The following ANAPC1 variants were observed in gnomAD, a reference collection of about 807,000 sequenced individuals.
ANAPC1 encodes the protein anaphase promoting complex subunit 1.
A neutral mutation model predicts 208.0 loss-of-function variants in ANAPC1; 36 were observed. The observed-to-expected ratio is 0.17, with a 90% CI of 0.13 to 0.23. ANAPC1 has a LOEUF of 0.23. ANAPC1 is among the 10% of genes least tolerant of loss of function. The pLI, the probability that ANAPC1 is intolerant of heterozygous loss-of-function variation, is 1.00. For missense variants in ANAPC1, 942 were observed against 2,011.6 expected (o/e 0.47, Z 10.17); for synonymous variants, 378 against 695.2 (o/e 0.54, Z 7.18).
In ANAPC1 at chr2:111,847,844, G is replaced by A; in HGVS notation, c.1672C>T (p.Pro558Ser). The A allele has an allele frequency of 1.3e-6, 2 of 1,589,590 alleles. No homozygotes were observed. The highest frequency in any genetic ancestry group is 1.7e-6 in the Non-Finnish European group (2 of 1,171,208). Residue 558 changes from proline (P) to serine (S), a missense_variant, in exon 15 of 48, where the codon CCA becomes TCA. Pro to Ser is a moderately conservative substitution (Grantham distance 74). Coordinates refer to ENST00000341068, the MANE Select transcript of ANAPC1 (RefSeq NM_022662.4). ...LDEVVLLSPV[P>S]ELRDSSKLHD... The stretch of plus-strand genomic sequence containing the variant: ...AGTTTTGAAGAATCCCTCAGTTCTG[G>A]AACTGGGGACAACAGAACAACCTGT...
chr2:111,861,407 C>T (rs1682056305), intron 10 of ANAPC1, among the ~76,000 whole-genome samples: 1 of 152,224 alleles, frequency 6.6e-6, no homozygotes, highest in Non-Finnish European at 1.5e-5. Context: ...TCCCTCCCCT[C>T]TGCAAAAACC....
intron 47 of ANAPC1, among the ~76,000 whole-genome samples, chr2:111,771,628 G>A (rs1676744532): frequency 6.6e-6 from 1 of 150,888 alleles, no homozygotes; most frequent in African/African-American, 2.4e-5. Flanking sequence ...GAGGGCAAGT[G>A]AGTCCAATAC....
intron 3 of ANAPC1, among the ~76,000 whole-genome samples, chr2:111,876,033 A>C (rs1487568790): frequency 6.6e-6 from 1 of 152,106 alleles, no homozygotes; most frequent in African/African-American, 2.4e-5. Flanking sequence ...TGAGTCCTTC[A>C]ATGGCAGAAA....
chr2:111,831,345 C>T lies in ANAPC1; in HGVS notation c.2566G>A (p.Gly856Arg), dbSNP rs145838393. ...GGGAGGTAAGGATAAGGTGGCATTC[C>T]TTCACCCTTCAGACAAGAACTCACC... Reference protein sequence around the residue: ...QWVSSCLKGEGMPPYPYLPGI... With the variant: ...QWVSSCLKGERMPPYPYLPGI... The change falls in exon 21 of 48, where the codon GGA (glycine) becomes AGA (arginine). Residue 856 changes from glycine (G) to arginine (R), a missense_variant. Physicochemically the swap from Gly to Arg is moderately radical, Grantham distance 125. Coordinates refer to ENST00000341068, the MANE Select transcript of ANAPC1 (RefSeq NM_022662.4). The T allele has an allele frequency of 4.2e-3, 6,820 of 1,611,924 alleles. 17 individuals are homozygous for T. Among genetic ancestry groups the T allele is most frequent in the Non-Finnish European group, 5.1e-3 (6,037 of 1,179,830 alleles).
intron 7 of ANAPC1, among the ~76,000 whole-genome samples, chr2:111,865,546 A>G (rs1682356680): frequency 1.3e-5 from 2 of 152,258 alleles, no homozygotes; most frequent in Non-Finnish European, 2.9e-5. Context: ...ATATGATTCT[A>G]TAATCATAAG....
At chr2:111,871,585 T>C (rs1449180043) in intron 6 of ANAPC1, among the ~76,000 whole-genome samples, 3 of 152,156 alleles carry the variant, frequency 2.0e-5, no homozygotes, top group African/African-American at 7.2e-5. Flanking sequence ...ACCCCATCTC[T>C]ACTAAAAATA....
chr2:111,777,907 TAAAGAGCTGTTTAA>T lies in ANAPC1; in HGVS notation c.5385+754_5385+767del, dbSNP rs1183455304. Among the ~76,000 whole-genome samples the T allele has an allele frequency of 2.0e-5, 3 of 152,376 alleles. No homozygotes were observed. In the East Asian group the frequency reaches 5.8e-4, roughly 29 times the overall value. ...CAGCTGTGAACTTACTATATTCACT[TAAAGAGCTGTTTAA>T]AACTAGATTCTGGATCTCACCCCAG... On this transcript the variant is annotated intron_variant, in intron 45 of 47. Transcript: ENST00000341068.
chr2:111,821,728 G>T (rs1164428640), intron 25 of ANAPC1: 1 of 412,654 alleles, frequency 2.4e-6, no homozygotes, highest in Non-Finnish European at 4.5e-6. Flanking sequence ...GAGGCCAGGG[G>T]TTCCAGACCA....
Position 111,825,767 on chromosome 2 carries a change from A to C in ANAPC1, c.2704+10T>G, listed in dbSNP as rs544621701. On this transcript the variant is annotated intron_variant, in intron 22 of 47. Coordinates refer to ENST00000341068, the MANE Select transcript of ANAPC1 (RefSeq NM_022662.4). The stretch of plus-strand genomic sequence containing the variant: ...AATTTGTTTCCAGAGGCAACATTGC[A>C]CCAACTTACCTATAGTTATTCTGGT... 2.5e-6 allele frequency: 4 copies of C among 1,607,446 alleles called. No individual in the cohort carries two copies. Among genetic ancestry groups the C allele is most frequent in the African/African-American group, 2.7e-5 (2 of 74,800 alleles).
At chr2:111,850,997 T>C in intron 13 of ANAPC1, 87 bp from the exon 14 acceptor site, 2 of 1,433,796 alleles carry the variant, frequency 1.4e-6, no homozygotes, top group South Asian at 1.5e-5. Context: ...TATAAACATA[T>C]ATTTCTTTTG....
In ANAPC1 at chr2:111,825,267, C is replaced by T. The variant is rs190067229; in HGVS notation, c.2705-100G>A. On this transcript the variant is annotated intron_variant, in intron 22 of 47. Coordinates refer to ENST00000341068, the MANE Select transcript of ANAPC1 (RefSeq NM_022662.4). Reference sequence around the variant, plus strand: ...TTGAAAATAAGAATCAATTAGCAAACAACATCTAAAAAAAAATAAAATAAG... The same window carrying T: ...TTGAAAATAAGAATCAATTAGCAAATAACATCTAAAAAAAAATAAAATAAG... The T allele has an allele frequency of 6.1e-6, 9 of 1,486,206 alleles. No individual in the cohort carries two copies. The Admixed American group carries it at 1.0e-4, about 17-fold the overall frequency. 92.1% of individuals were successfully genotyped at this position (1,486,206 alleles called of 1,614,324 possible).
chr2:111,791,809 G>A (rs1321993666), intron 38 of ANAPC1, among the ~76,000 whole-genome samples: 2 of 151,394 alleles, frequency 1.3e-5, no homozygotes, highest in Non-Finnish European at 2.9e-5. Flanking sequence ...AGTTGAAAGT[G>A]CTATACAGAA....
At chr2:111,867,446 T>C (rs1173695402) in intron 7 of ANAPC1, among the ~76,000 whole-genome samples, 15 of 151,854 alleles carry the variant, frequency 9.9e-5, no homozygotes, top group Non-Finnish European at 1.6e-4. Flanking sequence ...ATCTCAGAAC[T>C]TTGGGAGGCC....
At chr2:111,835,025 A>C (rs1680389472) in intron 18 of ANAPC1, among the ~76,000 whole-genome samples, 153 bp from the exon 19 acceptor site, 1 of 152,172 alleles carries the variant, frequency 6.6e-6, no homozygotes, top group Non-Finnish European at 1.5e-5. Context: ...GCTAAGAATG[A>C]AGTAACTATA....
In ANAPC1 at chr2:111,864,945, A is replaced by C. The variant is rs1302288037; in HGVS notation, c.692T>G (p.Phe231Cys). The C allele has an allele frequency of 1.2e-6, 2 of 1,608,702 alleles. No homozygotes were observed. Among genetic ancestry groups the C allele is most frequent in the Non-Finnish European group, 8.5e-7 (1 of 1,178,902 alleles). ...AACATATTGCACCCGTGATGAACCA[A>C]AAAGACCTTAAAAATAAAATAGAAA... is the stretch of plus-strand genomic sequence containing the variant. ...TPLVCKSGSL[F>C]GSSRVQYVVD... Residue 231 changes from phenylalanine to cysteine, a missense_variant, in exon 8 of 48, where the codon TTT (phenylalanine) becomes TGT (cysteine). Transcript: ENST00000341068.
intron 39 of ANAPC1, among the ~76,000 whole-genome samples, chr2:111,787,322 T>A (rs551863627): frequency 6.7e-6 from 1 of 149,302 alleles, no homozygotes; most frequent in Admixed American, 6.7e-5. Context: ...TGAGGCCACA[T>A]GTCAGAAGTG....
intron 11 of ANAPC1, 64 bp downstream of exon 11, chr2:111,858,242 A>G: frequency 2.3e-6 from 3 of 1,295,050 alleles, no homozygotes; most frequent in Non-Finnish European, 3.2e-6. Context: ...AAAGGAAAGA[A>G]AAGAAAAAGA....
chr2:111,878,986 C>A lies in ANAPC1; in HGVS notation c.214-15G>T, dbSNP rs758393896. 18 of 1,590,036 alleles carry A rather than the reference C, an allele frequency of 1.1e-5. No homozygotes were observed. Among genetic ancestry groups the A allele is most frequent in the African/African-American group, 1.4e-5 (1 of 73,484 alleles). On this transcript the variant is annotated splice_polypyrimidine_tract_variant and intron_variant, in intron 2 of 47. Transcript: ENST00000341068. ...TGCCAGCTTTCCTTAAAAATTAACA[C>A]ATGTAAAACATATTCAAGCACTCTT...
At chr2:111,833,600 C>T (rs1212230994) in intron 19 of ANAPC1, among the ~76,000 whole-genome samples, 2 of 148,324 alleles carry the variant, frequency 1.3e-5, no homozygotes, top group South Asian at 2.1e-4. Context: ...TGTCTATAAA[C>T]CTCAGTATTT....
Sources: gnomAD v4.1 joint callset for allele counts (sites outside exome capture counted in the v4.1 genomes callset) on GRCh38, gnomAD v4.1.1 for gene constraint, MANE v1.5 for transcripts, NCBI Gene and HGNC (gene_info 2026-07-23, HGNC 2026-07-21) for gene names.